TDP1: variants seen among roughly 807,000 people sequenced by gnomAD.
TDP1 encodes the protein tyr-DNA phosphodiesterase 1.
Under a neutral mutation model 81.5 loss-of-function variants are expected in TDP1, and 64 were observed. The ratio of observed to expected loss-of-function variants is 0.79; its 90% CI spans 0.64 to 0.97. TDP1 has a LOEUF of 0.97. TDP1 is among the 50% of genes least tolerant of loss of function. TDP1 has a pLI of 0.00. For synonymous variants in TDP1, 256 were observed against 264.3 expected, an observed-to-expected ratio of 0.97 and a Z score of 0.30; for missense variants, 723 against 743.8, an observed-to-expected ratio of 0.97 and a Z score of 0.33.
At chr14:89,988,705 C>T in intron 10 of TDP1, 200 bp from the exon 11 acceptor site, 1 of 980,962 alleles carries the variant, frequency 1.0e-6, no homozygotes, top group Non-Finnish European at 1.2e-6. Context: ...CCATCTACTC[C>T]ATTAAAAATA....
chr14:90,012,157 T>G (rs1884786420), intron 14 of TDP1, among the ~76,000 whole-genome samples: 2 of 152,308 alleles, frequency 1.3e-5, no homozygotes, highest in South Asian at 4.1e-4. Context: ...CCTTGGTGGC[T>G]TACACATTGT....
intron 8 of TDP1, 146 bp from the exon 9 acceptor site, chr14:89,984,370 G>A: frequency 6.5e-7 from 1 of 1,546,080 alleles, no homozygotes; most frequent in Non-Finnish European, 8.7e-7. Context: ...GGTGTTCTCA[G>A]ATTTATGTTT....
chr14:89,998,233 A>G (rs779113434), intron 14 of TDP1, among the ~76,000 whole-genome samples: 6 of 151,736 alleles, frequency 4.0e-5, no homozygotes, highest in African/African-American at 7.3e-5. Context: ...TTGTTGCCCA[A>G]TGAGTTAAGA....
At chr14:89,998,474 T>C (rs1440655578) in intron 14 of TDP1, among the ~76,000 whole-genome samples, 1 of 143,122 alleles carries the variant, frequency 7.0e-6, no homozygotes, top group East Asian at 2.0e-4. Flanking sequence ...ATATATTAAT[T>C]CATGTAATTC....
chr14:89,974,565 C>A (rs1894042129), intron 6 of TDP1, among the ~76,000 whole-genome samples: 1 of 152,168 alleles, frequency 6.6e-6, no homozygotes, highest in Admixed American at 6.5e-5. Flanking sequence ...TCACCCATGT[C>A]ATGTGGTAAG....
At chr14:90,023,772 A>G (rs1886352804) in intron 15 of TDP1, among the ~76,000 whole-genome samples, 1 of 152,050 alleles carries the variant, frequency 6.6e-6, no homozygotes, top group African/African-American at 2.4e-5. Context: ...ACCAGGCTCA[A>G]GCAGTCCTCC....
intron 15 of TDP1, 65 bp from the exon 16 acceptor site, chr14:90,033,041 T>C: frequency 1.6e-6 from 2 of 1,274,550 alleles, no homozygotes; most frequent in Non-Finnish European, 1.1e-6. Context: ...CTTGAGGCCT[T>C]CTGGTTTTTT....
At chr14:89,969,245 ACT>A (rs1313576731) in intron 5 of TDP1, among the ~76,000 whole-genome samples, 2 of 152,128 alleles carry the variant, frequency 1.3e-5, no homozygotes, top group South Asian at 2.1e-4. Flanking sequence ...TATCCACTGG[ACT>A]CTCAGTAACT....
intron 14 of TDP1, among the ~76,000 whole-genome samples, chr14:90,018,061 C>A (rs921508594): frequency 1.4e-5 from 2 of 145,906 alleles, no homozygotes; most frequent in Admixed American, 6.7e-5. Context: ...CCCATAGAAC[C>A]CTTAACAAAC....
At position 89,998,376 on chromosome 14, in the gene TDP1, A is replaced by T. The variant is rs1292064297; in HGVS notation, c.1541+4893A>T. On this transcript the variant is annotated intron_variant, in intron 14 of 16. Transcript: ENST00000335725. Reference sequence around the variant, plus strand: ...CCAGGCACAGTTCCAAGCACATTATATATATATATATATATATATATATAT... The same window carrying T: ...CCAGGCACAGTTCCAAGCACATTATTTATATATATATATATATATATATAT... Among the ~76,000 whole-genome samples, 32 of 4,834 alleles carry T rather than the reference A, an allele frequency of 6.6e-3. 1 individual carries two copies. Among genetic ancestry groups the T allele is most frequent in the African/African-American group, 0.01 (29 of 2,832 alleles). The allele number at this position is 4,834 out of a possible 152,430, so 3.2% of individuals were successfully genotyped here.
chr14:90,022,137 C>T (rs984867171), intron 15 of TDP1, among the ~76,000 whole-genome samples: 2 of 152,184 alleles, frequency 1.3e-5, no homozygotes, highest in Non-Finnish European at 2.9e-5. Flanking sequence ...CAGATGGCCA[C>T]CTGATACACC....
At position 89,974,592 on chromosome 14, in the gene TDP1, G is replaced by A. The variant is rs1051946222; in HGVS notation, c.757-1189G>A. Among the ~76,000 whole-genome samples the A allele has an allele frequency of 6.6e-5, 10 of 152,202 alleles. No individual in the cohort carries two copies. The East Asian group carries it at 7.7e-4, about 12-fold the overall frequency. ...TGTGGTAAGGAGGCTGGGGTAGGTA[G>A]TGGGGAGAGGTTGCAGTAGTGATTG... On this transcript the variant is annotated intron_variant, in intron 6 of 16. Coordinates refer to ENST00000335725, the MANE Select transcript of TDP1 (RefSeq NM_018319.4).
Position 90,044,719 on chromosome 14 carries a change from T to G in TDP1, c.*1576T>G, listed in dbSNP as rs781213074. 9 of 152,192 alleles carry G rather than the reference T, an allele frequency of 5.9e-5. No individual in the cohort carries two copies. Among genetic ancestry groups the G allele is most frequent in the Non-Finnish European group, 1.3e-4 (9 of 68,030 alleles). The allele number at this position is 152,192 out of a possible 1,614,324, so 9.4% of individuals were successfully genotyped here. On this transcript the variant is annotated 3_prime_UTR_variant, in exon 17 of 17. Transcript: ENST00000335725. Reference sequence around the variant, plus strand: ...ACATTATCTGGGGTGTTGTATGTATTTTTGTGTGTTCTGCTTTTTTTAAAT... The same window carrying G: ...ACATTATCTGGGGTGTTGTATGTATGTTTGTGTGTTCTGCTTTTTTTAAAT...
chr14:90,001,808 G>A (rs1013988807), intron 14 of TDP1, among the ~76,000 whole-genome samples: 1 of 151,858 alleles, frequency 6.6e-6, no homozygotes, highest in Non-Finnish European at 1.5e-5. Flanking sequence ...TTTTCATGGC[G>A]CCTTTTGCTT....
intron 16 of TDP1, among the ~76,000 whole-genome samples, chr14:90,039,976 A>T (rs1306110007): frequency 6.6e-6 from 1 of 152,140 alleles, no homozygotes; most frequent in African/African-American, 2.4e-5. Context: ...TTCCCGTTAC[A>T]TGGTACTACC....
intron 8 of TDP1, chr14:89,981,337 C>G (rs1894951444): frequency 2.6e-6 from 1 of 382,988 alleles, no homozygotes; most frequent in African/African-American, 2.1e-5. Flanking sequence ...TGCACATATG[C>G]TAGATCCAGG....
chr14:89,978,788 A>G (rs1442005268), intron 7 of TDP1, among the ~76,000 whole-genome samples: 1 of 152,202 alleles, frequency 6.6e-6, no homozygotes, highest in Non-Finnish European at 1.5e-5. Context: ...TGATTTGGCA[A>G]CTGTGTATGT....
intron 6 of TDP1, 67 bp from the exon 7 acceptor site, chr14:89,975,714 T>C: frequency 7.3e-7 from 1 of 1,366,368 alleles, no homozygotes; most frequent in South Asian, 1.2e-5. Flanking sequence ...TGCTTTCTAA[T>C]GTAATTTCCA....
intron 1 of TDP1, chr14:89,956,272 C>G (rs529668207): frequency 6.6e-6 from 1 of 152,306 alleles, no homozygotes; most frequent in African/African-American, 2.4e-5. Context: ...CAGACCTAAG[C>G]TTACAGGTGC....
Sources: gnomAD v4.1 joint callset for allele counts (sites outside exome capture counted in the v4.1 genomes callset) on GRCh38, gnomAD v4.1.1 for gene constraint, MANE v1.5 for transcripts, NCBI Gene and HGNC (gene_info 2026-07-23, HGNC 2026-07-21) for gene names.